The following ACER1 variants were observed in gnomAD, a reference collection of about 807,000 sequenced individuals.
ACER1 encodes alkaline ceramidase 1.
In ACER1, 28 loss-of-function variants were observed where a neutral mutation model predicts 24.9. The observed-to-expected ratio is 1.13, with a 90% CI of 0.83 to 1.54. The LOEUF (loss-of-function observed/expected upper bound fraction) is 1.54, where lower values mean the gene tolerates loss of function less well. ACER1 is among the 40% of genes most tolerant of loss of function. The pLI is 0.00. For synonymous variants in ACER1, 132 were observed against 131.4 expected (o/e 1.00, Z -0.03); for missense variants, 352 against 349.3 (o/e 1.01, Z -0.06).
intron 3 of ACER1, among the ~76,000 whole-genome samples, chr19:6,311,646 A>AGAAGGAGG (rs1568308596): frequency 4.7e-5 from 7 of 148,238 alleles, no homozygotes; most frequent in Non-Finnish European, 1.0e-4. Context: ...GAAGAAGAAG[A>AGAAGGAGG]AGGAGAAGGA....
At chr19:6,333,100 C>T (rs902895643) in intron 1 of ACER1, among the ~76,000 whole-genome samples, 1 of 152,086 alleles carries the variant, frequency 6.6e-6, no homozygotes, top group African/African-American at 2.4e-5. Flanking sequence ...GATTGGCCCA[C>T]CCCCTCTAGC....
upstream of ACER1, among the ~76,000 whole-genome samples, chr19:6,337,677 T>C (rs1389389212): frequency 3.4e-5 from 3 of 88,370 alleles, no homozygotes; most frequent in Non-Finnish European, 6.9e-5. Flanking sequence ...TTTTTTTTTT[T>C]TTTTTTTTTT....
intron 1 of ACER1, among the ~76,000 whole-genome samples, chr19:6,332,149 T>G (rs1337438841): frequency 1.4e-4 from 21 of 151,722 alleles, no homozygotes; most frequent in Admixed American, 1.4e-3. Context: ...GTATTTTTAG[T>G]AGAGATGGGG....
intron 4 of ACER1, among the ~76,000 whole-genome samples, chr19:6,308,338 G>A (rs1027321909): frequency 2.0e-5 from 3 of 150,280 alleles, no homozygotes; most frequent in African/African-American, 7.4e-5. Context: ...AGGAGGCTAA[G>A]GCACAAGAGT....
At chr19:6,328,910 A>T (rs915847460) in intron 1 of ACER1, among the ~76,000 whole-genome samples, 4 of 151,786 alleles carry the variant, frequency 2.6e-5, no homozygotes, top group African/African-American at 9.7e-5. Flanking sequence ...CCTGAGCGCA[A>T]GTGATTGGCC....
rs1273021471 is a variant in ACER1 at position 6,309,625 on chromosome 19, G to A, written c.488+72C>T. 1.7e-5 allele frequency: 27 copies of A among 1,589,772 alleles called. No individual in the cohort carries two copies. The East Asian group carries it at 1.8e-4, about 11-fold the overall frequency. ...ATCTTGGAGAAGGGACGTCCCCTCC[G>A]CGAGCCTGGAGTCAGGGGTGCTAGG... On this transcript the variant is annotated intron_variant, in intron 4 of 5. Coordinates refer to ENST00000301452, the MANE Select transcript of ACER1 (RefSeq NM_133492.3).
upstream of ACER1, among the ~76,000 whole-genome samples, chr19:6,337,083 G>A (rs2145026132): frequency 6.6e-6 from 1 of 151,862 alleles, no homozygotes; most frequent in Non-Finnish European, 1.5e-5. Context: ...GACTGAGGCA[G>A]GAGAATAGCT....
chr19:6,324,439 G>A (rs1294540752), intron 1 of ACER1, among the ~76,000 whole-genome samples: 3 of 151,754 alleles, frequency 2.0e-5, no homozygotes, highest in Non-Finnish European at 4.4e-5. Context: ...GGACCTGGGG[G>A]ACCTTGAAAC....
chr19:6,329,356 T>TATAGAATAGAATAGAATAGA (rs57029699), intron 1 of ACER1, among the ~76,000 whole-genome samples: 10,898 of 133,830 alleles, frequency 0.081, 615 homozygotes, highest in East Asian at 0.12. Context: ...GGCTTTTTGA[T>TATAGAATAGAATAGAATAGA]ATAGAATAGA....
the ACER1 span, among the ~76,000 whole-genome samples, chr19:6,344,831 A>ATTTAT: frequency 0.014 from 2,068 of 150,564 alleles, 39 homozygotes; most frequent in African/African-American, 0.042. Context: ...ACAACAATCA[A>ATTTAT]TTTATTTTAT....
At chr19:6,355,863 C>A in the ACER1 span, among the ~76,000 whole-genome samples, 3 of 149,186 alleles carry the variant, frequency 2.0e-5, no homozygotes, top group Non-Finnish European at 4.4e-5. Flanking sequence ...GTCAGCCCCC[C>A]GCCCGGCCAG....
intron 1 of ACER1, among the ~76,000 whole-genome samples, chr19:6,321,164 C>A (rs1416196833): frequency 1.3e-5 from 2 of 150,462 alleles, no homozygotes; most frequent in Non-Finnish European, 3.0e-5. Context: ...GAGACCAAGT[C>A]TCACTCTGTC....
the ACER1 span, among the ~76,000 whole-genome samples, chr19:6,352,390 G>A: frequency 6.6e-6 from 1 of 152,316 alleles, no homozygotes; most frequent in South Asian, 2.1e-4. Flanking sequence ...ACCATACCAT[G>A]AGGGAGCCCA....
At chr19:6,312,724 G>A (rs919493639) in intron 1 of ACER1, among the ~76,000 whole-genome samples, 2 of 150,330 alleles carry the variant, frequency 1.3e-5, no homozygotes, top group African/African-American at 2.5e-5. Flanking sequence ...CACTCAGGCT[G>A]GAGCGCAGTG....
intron 1 of ACER1, among the ~76,000 whole-genome samples, chr19:6,327,437 C>T (rs762582502): frequency 1.3e-5 from 2 of 151,786 alleles, no homozygotes; most frequent in Non-Finnish European, 2.9e-5. Flanking sequence ...TGGTGACGGG[C>T]GTCTGTAGTC....
chr19:6,313,989 G>A (rs1021463872), intron 1 of ACER1, among the ~76,000 whole-genome samples: 21 of 152,092 alleles, frequency 1.4e-4, no homozygotes, highest in South Asian at 6.2e-4. Context: ...GGTGATGGCC[G>A]GGCATGGTGG....
At chr19:6,310,526 C>A (rs1356279908) in intron 3 of ACER1, among the ~76,000 whole-genome samples, 1 of 152,016 alleles carries the variant, frequency 6.6e-6, no homozygotes, top group Non-Finnish European at 1.5e-5. Context: ...GCCAAGATCA[C>A]GCCACGGCAC....
intron 1 of ACER1, among the ~76,000 whole-genome samples, chr19:6,323,832 A>T (rs576196403): frequency 6.6e-6 from 1 of 151,740 alleles, no homozygotes; most frequent in South Asian, 2.1e-4. Flanking sequence ...TGTAATTTAG[A>T]GCTTATGAGA....
At chr19:6,307,376 G>A in intron 4 of ACER1, 86 bp from the exon 5 acceptor site, 1 of 1,477,816 alleles carries the variant, frequency 6.8e-7, no homozygotes, top group Non-Finnish European at 9.2e-7. Context: ...CCACAGTGAT[G>A]AGGCTCAGAG....
Sources: gnomAD v4.1 joint callset for allele counts (sites outside exome capture counted in the v4.1 genomes callset) on GRCh38, gnomAD v4.1.1 for gene constraint, MANE v1.5 for transcripts, NCBI Gene and HGNC (gene_info 2026-07-23, HGNC 2026-07-21) for gene names.